Variants in SPATA6 observed in about 807,000 individuals in gnomAD.
The protein encoded by SPATA6 is spermatogenesis-associated protein 6.
SPATA6 carries 56 observed loss-of-function variants against 65.3 expected under a neutral mutation model. That is an observed-to-expected ratio of 0.86 (90% CI 0.69 to 1.07). The LOEUF is 1.07. Among genes scored for constraint, SPATA6 ranks in the 50% least tolerant of loss-of-function variants. The pLI is 0.00. For missense variants in SPATA6, 590 were observed against 594.8 expected, an observed-to-expected ratio of 0.99 and a Z score of 0.08; for synonymous variants, 199 against 213.2, an observed-to-expected ratio of 0.93 and a Z score of 0.58.
At chr1:48,314,060 A>T (rs1204764277) in intron 11 of SPATA6, among the ~76,000 whole-genome samples, 1 of 152,200 alleles carries the variant, frequency 6.6e-6, no homozygotes, top group Non-Finnish European at 1.5e-5. Context: ...AGAGACCTAC[A>T]AAGAGACTTA....
intron 3 of SPATA6, among the ~76,000 whole-genome samples, chr1:48,444,056 T>C (rs1235890545): frequency 6.6e-6 from 1 of 152,094 alleles, no homozygotes; most frequent in Non-Finnish European, 1.5e-5. Context: ...ATCGCCCAAT[T>C]CCCAATAGGA....
chr1:48,375,506 G>A (rs955732051), intron 9 of SPATA6, among the ~76,000 whole-genome samples: 3 of 151,970 alleles, frequency 2.0e-5, no homozygotes, highest in Non-Finnish European at 2.9e-5. Context: ...TCATGAAAAC[G>A]TTCCTCTGTT....
At chr1:48,401,385 A>G (rs975987887) in intron 6 of SPATA6, among the ~76,000 whole-genome samples, 17 of 152,196 alleles carry the variant, frequency 1.1e-4, no homozygotes, top group Admixed American at 7.9e-4. Flanking sequence ...ATTACATACT[A>G]TCTACTACAA....
chr1:48,283,351 T>TA, the SPATA6 span, among the ~76,000 whole-genome samples: 6 of 150,692 alleles, frequency 4.0e-5, no homozygotes, highest in Non-Finnish European at 5.9e-5. Flanking sequence ...AAATAAAAAA[T>TA]AAAAAAAATT....
intron 3 of SPATA6, chr1:48,437,037 G>T (rs1655002572): frequency 6.2e-7 from 1 of 1,606,314 alleles, no homozygotes; most frequent in African/African-American, 1.3e-5. Flanking sequence ...CTGAGAAAAG[G>T]CCATCAGCAA....
intron 9 of SPATA6, among the ~76,000 whole-genome samples, chr1:48,371,466 C>T (rs1043818371): frequency 6.6e-6 from 1 of 152,124 alleles, no homozygotes; most frequent in Non-Finnish European, 1.5e-5. Flanking sequence ...GACAAGAATA[C>T]ACACTACATT....
chr1:48,347,483 TTAATGTATATATGTATATA>T (rs1282797621), intron 11 of SPATA6, among the ~76,000 whole-genome samples: 2 of 146,080 alleles, frequency 1.4e-5, no homozygotes, highest in South Asian at 2.1e-4. Context: ...ATATATATTA[TTAATGTATATATGTATATA>T]TAATGTATAT....
At chr1:48,335,290 T>C (rs960212813) in intron 11 of SPATA6, among the ~76,000 whole-genome samples, 1 of 151,424 alleles carries the variant, frequency 6.6e-6, no homozygotes, top group African/African-American at 2.4e-5. Flanking sequence ...TATTCTAAAA[T>C]TCATATGGAA....
chr1:48,291,360 G>T (rs1423324253), downstream of SPATA6, among the ~76,000 whole-genome samples: 2 of 152,114 alleles, frequency 1.3e-5, no homozygotes, highest in Non-Finnish European at 2.9e-5. Context: ...GGTGTGGGCA[G>T]GGTTAGGCTG....
At chr1:48,439,603 G>C (rs1570582594) in intron 3 of SPATA6, among the ~76,000 whole-genome samples, 1 of 152,246 alleles carries the variant, frequency 6.6e-6, no homozygotes, top group South Asian at 2.1e-4. Context: ...CCAGTCAGCA[G>C]GGTCCAGGGA....
downstream of SPATA6, among the ~76,000 whole-genome samples, chr1:48,290,752 G>A (rs907853839): frequency 6.6e-6 from 1 of 152,242 alleles, no homozygotes; most frequent in Non-Finnish European, 1.5e-5. Context: ...GACAAAAAAG[G>A]CCATTACATA....
At chr1:48,410,987 T>G (rs1330285040) in intron 5 of SPATA6, among the ~76,000 whole-genome samples, 1 of 152,222 alleles carries the variant, frequency 6.6e-6, no homozygotes, top group East Asian at 1.9e-4. Flanking sequence ...CTTATAGCTA[T>G]ATAAATGAAA....
At position 48,314,618 on chromosome 1, in the gene SPATA6, C is replaced by G. The variant is rs534086445; in HGVS notation, c.1195-8740G>C. Among the ~76,000 whole-genome samples the G allele has an allele frequency of 3.9e-5, 6 of 152,238 alleles. No individual in the cohort carries two copies. In the South Asian group the frequency reaches 1.2e-3, roughly 32 times the overall value. On this transcript the variant is annotated intron_variant, in intron 11 of 12. Transcript: ENST00000371847. ...AGATCTAAAATTGACACTCTAACAT[C>G]ACAATTAAAAGAACTACAGAAGCAA...
chr1:48,411,615 A>G, intron 4 of SPATA6, 27 bp from the exon 5 acceptor site: 1 of 1,499,152 alleles, frequency 6.7e-7, no homozygotes, highest in Middle Eastern at 1.8e-4. Context: ...CTATGATTCA[A>G]ATTATAATAA....
the SPATA6 span, among the ~76,000 whole-genome samples, chr1:48,289,809 T>C: frequency 6.6e-6 from 1 of 151,624 alleles, no homozygotes; most frequent in Non-Finnish European, 1.5e-5. Context: ...GAAAAAAGAG[T>C]ACAAAGAAAC....
At chr1:48,317,974 T>G (rs910751158) in intron 11 of SPATA6, among the ~76,000 whole-genome samples, 2 of 152,146 alleles carry the variant, frequency 1.3e-5, no homozygotes, top group African/African-American at 2.4e-5. Flanking sequence ...CAACTGGGAA[T>G]TATCCAAAGA....
chr1:48,336,442 C>T (rs879315053), intron 11 of SPATA6, among the ~76,000 whole-genome samples: 10 of 152,052 alleles, frequency 6.6e-5, no homozygotes, highest in African/African-American at 1.2e-4. Flanking sequence ...TGGAATACTA[C>T]GCAATCCTAA....
At chr1:48,448,297 G>A (rs1223474338) in intron 3 of SPATA6, among the ~76,000 whole-genome samples, 3 of 150,736 alleles carry the variant, frequency 2.0e-5, no homozygotes. Flanking sequence ...AAAAGGAAGA[G>A]CAAAGCATAG....
At chr1:48,286,674 T>C in the SPATA6 span, among the ~76,000 whole-genome samples, 3 of 152,134 alleles carry the variant, frequency 2.0e-5, no homozygotes, top group Non-Finnish European at 2.9e-5. Flanking sequence ...CTAGGTAATA[T>C]AGTTTTGTAT....
Sources: allele counts gnomAD v4.1 joint callset (sites outside exome capture counted in the v4.1 genomes callset), GRCh38; gene constraint gnomAD v4.1.1; transcripts MANE v1.5; gene names NCBI Gene and HGNC (gene_info 2026-07-23, HGNC 2026-07-21).